The following EIF3H variants were observed in gnomAD, a reference collection of about 807,000 sequenced individuals.
EIF3H encodes the protein eIF-3-gamma.
A neutral mutation model predicts 44.2 loss-of-function variants in EIF3H; 26 were observed. That is an observed-to-expected ratio of 0.59 (90% CI 0.43 to 0.82). The LOEUF is 0.82. EIF3H is among the 40% of genes least tolerant of loss of function. The pLI, the probability that EIF3H is intolerant of heterozygous loss-of-function variation, is 0.00. For synonymous variants in EIF3H, 166 were observed against 151.9 expected (o/e 1.09, Z -0.68); for missense variants, 359 against 432.8 (o/e 0.83, Z 1.51).
chr8:116,719,521 C>T (rs955229693), intron 2 of EIF3H, among the ~76,000 whole-genome samples: 2 of 151,824 alleles, frequency 1.3e-5, no homozygotes, highest in Non-Finnish European at 1.5e-5. Context: ...AGGAAAAAGG[C>T]CAGATAGAGG....
chr8:116,740,768 A>G (rs1436082658), intron 1 of EIF3H, among the ~76,000 whole-genome samples: 1 of 152,150 alleles, frequency 6.6e-6, no homozygotes, highest in Admixed American at 6.5e-5. Context: ...CCAACCCTGT[A>G]GTCTACACAA....
chr8:116,736,376 G>C (rs1036641343), intron 1 of EIF3H, among the ~76,000 whole-genome samples: 1 of 152,080 alleles, frequency 6.6e-6, no homozygotes, highest in African/African-American at 2.4e-5. Context: ...AAAATGAGTG[G>C]AATTGCCAGG....
At position 116,665,921 on chromosome 8, in the gene EIF3H, A is replaced by G. The variant is rs553658226; in HGVS notation, c.290-6941T>C. 2.0e-5 allele frequency among the ~76,000 whole-genome samples: 3 copies of G among 152,364 alleles called. No individual in the cohort carries two copies. In the South Asian group the frequency reaches 6.2e-4, roughly 32 times the overall value. On this transcript the variant is annotated intron_variant, in intron 2 of 7. Transcript: ENST00000521861. ...TTAAATAAGAGTCTACTTTGGGTGG[A>G]AAGAATTATGGAGTACACAAGTTTC...
At chr8:116,693,043 T>C (rs1278295085) in intron 2 of EIF3H, among the ~76,000 whole-genome samples, 1 of 152,166 alleles carries the variant, frequency 6.6e-6, no homozygotes, top group African/African-American at 2.4e-5. Context: ...AACCCAAATC[T>C]TTAAATACTC....
At chr8:116,683,727 T>C (rs1814029296) in intron 2 of EIF3H, among the ~76,000 whole-genome samples, 1 of 152,166 alleles carries the variant, frequency 6.6e-6, no homozygotes, top group South Asian at 2.1e-4. Context: ...AAGAAAATAA[T>C]ACCAAAGTTG....
intron 2 of EIF3H, among the ~76,000 whole-genome samples, chr8:116,706,320 T>C (rs564396681): frequency 2.6e-5 from 4 of 152,290 alleles, no homozygotes; most frequent in African/African-American, 9.6e-5. Context: ...TCCTGAACAA[T>C]GTCAAGCTCA....
chr8:116,732,611 C>T (rs1814968999), intron 1 of EIF3H, among the ~76,000 whole-genome samples: 3 of 151,900 alleles, frequency 2.0e-5, no homozygotes, highest in Admixed American at 2.0e-4. Flanking sequence ...AATCTTTCTG[C>T]ATAGAATCAC....
chr8:116,766,077 C>T (rs1563666808), exon 1 of EIF3H: 1 of 152,352 alleles, frequency 6.6e-6, no homozygotes, highest in Non-Finnish European at 1.5e-5. Flanking sequence ...CAGTACAAAC[C>T]TCCCCACTCA....
chr8:116,761,259 C>T (rs530313078), intron 1 of EIF3H, among the ~76,000 whole-genome samples: 1 of 152,178 alleles, frequency 6.6e-6, no homozygotes, highest in Non-Finnish European at 1.5e-5. Flanking sequence ...CACCTGTAAT[C>T]CCAGCACTTT....
chr8:116,698,952 G>C (rs1253298502), intron 2 of EIF3H, among the ~76,000 whole-genome samples: 1 of 152,052 alleles, frequency 6.6e-6, no homozygotes, highest in Non-Finnish European at 1.5e-5. Flanking sequence ...TTTGAGACCA[G>C]CTTGGGCAAC....
intron 2 of EIF3H, among the ~76,000 whole-genome samples, chr8:116,719,133 C>T (rs1177180133): frequency 2.0e-5 from 3 of 152,182 alleles, no homozygotes. Context: ...GATCACATCA[C>T]AATTCACTGT....
At chr8:116,646,653 GA>G (rs758296700) in intron 6 of EIF3H, 50 bp from the exon 7 acceptor site, 3 of 1,593,828 alleles carry the variant, frequency 1.9e-6, no homozygotes, top group South Asian at 2.2e-5. Context: ...ATCTGAGGAG[GA>G]AAAAAAGATG....
At chr8:116,698,794 A>G (rs956624978) in intron 2 of EIF3H, among the ~76,000 whole-genome samples, 2 of 152,138 alleles carry the variant, frequency 1.3e-5, no homozygotes, top group Non-Finnish European at 2.9e-5. Flanking sequence ...TTCTACTGAG[A>G]CATAAATCAC....
Position 116,755,784 on chromosome 8 carries a change from T to C in EIF3H, c.14A>G (p.Lys5Arg), listed in dbSNP as rs754917324. 14 of 1,613,832 alleles carry C rather than the reference T, an allele frequency of 8.7e-6. No homozygotes were observed. The South Asian group carries it at 1.1e-4, about 13-fold the overall frequency. ...GGTGGCAGTAGAGCCGGTACCTTCC[T>C]TGCGGGACGCCATCTTTCCAAGCAG... MASR[K>R]EGTGSTATSS... Residue 5 changes from lysine (K) to arginine (R), a missense_variant, in exon 1 of 8, where the codon AAG (lysine) becomes AGG (arginine). Around this residue, in one of 5 missense-constraint regions of EIF3H, gnomAD observed 59 missense variants for 33.5 expected, o/e 1.76. Coordinates refer to ENST00000521861, the MANE Select transcript of EIF3H (RefSeq NM_003756.3).
chr8:116,752,120 A>T (rs1815354215), intron 1 of EIF3H, among the ~76,000 whole-genome samples: 1 of 152,182 alleles, frequency 6.6e-6, no homozygotes, highest in Non-Finnish European at 1.5e-5. Context: ...ACCAATAAGA[A>T]CCCTCAGGAT....
In EIF3H at chr8:116,755,692, C is replaced by G; in HGVS notation, c.106G>C (p.Val36Leu). ...KGKGGSGDSA[V>L]KQVQIDGLVV... is the part of the protein sequence containing the mutation. ...AGGCCATCTATCTGCACTTGCTTCA[C>G]GGCTGAATCTCCCGAGCCGCCTTTG... is the stretch of plus-strand genomic sequence containing the variant. The change falls in exon 1 of 8, where the codon GTG becomes CTG. Residue 36 changes from valine (V) to leucine (L), a missense_variant. Val to Leu is a conservative substitution (Grantham distance 32). Transcript: ENST00000521861. 6.2e-7 allele frequency: 1 copy of G among 1,614,164 alleles called. No individual in the cohort carries two copies. The highest frequency in any genetic ancestry group is 8.5e-7 in the Non-Finnish European group (1 of 1,180,026).
At chr8:116,680,311 C>A (rs1468575409) in intron 2 of EIF3H, among the ~76,000 whole-genome samples, 9 of 40,376 alleles carry the variant, frequency 2.2e-4, no homozygotes, top group African/African-American at 6.9e-4. Context: ...CGGCCACGAC[C>A]CCGTCTGGGA....
intron 2 of EIF3H, among the ~76,000 whole-genome samples, chr8:116,719,043 A>G (rs1032911866): frequency 1.3e-5 from 2 of 152,206 alleles, no homozygotes; most frequent in African/African-American, 4.8e-5. Flanking sequence ...AATTATGTCC[A>G]GTATCTGTAT....
intron 2 of EIF3H, among the ~76,000 whole-genome samples, chr8:116,718,268 G>T (rs2130912235): frequency 6.6e-6 from 1 of 152,210 alleles, no homozygotes; most frequent in East Asian, 1.9e-4. Context: ...CTTTTGGTGG[G>T]AATGTAAACT....
Sources: allele counts gnomAD v4.1 joint callset (sites outside exome capture counted in the v4.1 genomes callset), GRCh38; gene constraint gnomAD v4.1.1; regional missense constraint gnomAD v4.1.1; transcripts MANE v1.5; gene names NCBI Gene and HGNC (gene_info 2026-07-23, HGNC 2026-07-21).